Variants in ADGRA3 observed in about 807,000 individuals in gnomAD.
ADGRA3 encodes adhesion G protein-coupled receptor A3.
In ADGRA3, 56 loss-of-function variants were observed where a neutral mutation model predicts 119.8. The observed-to-expected ratio is 0.47, with a 90% CI of 0.38 to 0.58. ADGRA3 has a LOEUF of 0.58. Ranked by LOEUF, ADGRA3 falls within the 20% of genes least tolerant of loss-of-function variation. The probability of loss-of-function intolerance (pLI) is 0.00; values close to 1 mark genes in which losing one functional copy is unlikely to be tolerated. For synonymous variants in ADGRA3, 607 were observed against 623.8 expected (o/e 0.97, Z 0.40); for missense variants, 1,516 against 1,649.0 (o/e 0.92, Z 1.40).
intron 3 of ADGRA3, among the ~76,000 whole-genome samples, chr4:22,456,365 G>A (rs2126634): frequency 0.98 from 149,856 of 152,194 alleles, 73,829 homozygotes; most frequent in East Asian, 1. Context: ...CCTGCCCTCA[G>A]TATGGGTGGG....
intron 14 of ADGRA3, among the ~76,000 whole-genome samples, chr4:22,403,004 A>T (rs1339443879): frequency 2.0e-5 from 3 of 152,132 alleles, no homozygotes. Flanking sequence ...CTTACGGCAT[A>T]CCCTCATTTT....
intron 1 of ADGRA3, 123 bp downstream of exon 1, chr4:22,515,405 C>T: frequency 4.1e-6 from 5 of 1,224,532 alleles, no homozygotes; most frequent in Non-Finnish European, 5.4e-6. Flanking sequence ...TTCCTAGCAC[C>T]GCCCCCTGCC....
chr4:22,451,892 T>C (rs750944875), intron 4 of ADGRA3, among the ~76,000 whole-genome samples: 27 of 152,202 alleles, frequency 1.8e-4, no homozygotes, highest in Non-Finnish European at 3.2e-4. Flanking sequence ...TTCCTAATCA[T>C]ATTCTCTTTT....
At chr4:22,445,538 C>A (rs115675382) in intron 5 of ADGRA3, among the ~76,000 whole-genome samples, 18 of 152,342 alleles carry the variant, frequency 1.2e-4, no homozygotes, top group African/African-American at 4.3e-4. Flanking sequence ...TTTCCACCAT[C>A]ATTGCCACAT....
chr4:22,504,738 CCTT>C (rs924333209), intron 1 of ADGRA3, among the ~76,000 whole-genome samples: 3 of 151,886 alleles, frequency 2.0e-5, no homozygotes, highest in Admixed American at 6.6e-5. Context: ...CTTTCTTCTA[CCTT>C]CTTTTTTTGT....
intron 10 of ADGRA3, among the ~76,000 whole-genome samples, chr4:22,426,705 CCTATT>C (rs1715947840): frequency 6.6e-6 from 1 of 152,126 alleles, no homozygotes; most frequent in Admixed American, 6.5e-5. Context: ...ATCCAAACAC[CCTATT>C]TTAATGAACT....
intron 1 of ADGRA3, among the ~76,000 whole-genome samples, chr4:22,498,358 C>T (rs1305397842): frequency 1.3e-5 from 2 of 151,826 alleles, no homozygotes; most frequent in Non-Finnish European, 2.9e-5. Context: ...GTGGCTCACA[C>T]CTGTAATCCC....
intron 16 of ADGRA3, among the ~76,000 whole-genome samples, chr4:22,397,507 A>G (rs1714413479): frequency 6.6e-6 from 1 of 152,074 alleles, no homozygotes; most frequent in South Asian, 2.1e-4. Flanking sequence ...GAGTTCAGAG[A>G]TAGTTAAACA....
intron 1 of ADGRA3, among the ~76,000 whole-genome samples, chr4:22,497,364 A>T (rs1369868256): frequency 6.6e-6 from 1 of 152,184 alleles, no homozygotes; most frequent in East Asian, 1.9e-4. Context: ...TATAAAAAAA[A>T]AAAGTCTCTG....
At chr4:22,483,535 A>G (rs16872735) in intron 1 of ADGRA3, among the ~76,000 whole-genome samples, 4,802 of 152,254 alleles carry the variant, frequency 0.032, 86 homozygotes, top group Middle Eastern at 0.065. Flanking sequence ...TTCTCTTCAT[A>G]CTGCAATAAA....
intron 1 of ADGRA3, among the ~76,000 whole-genome samples, chr4:22,477,210 C>T (rs772180832): frequency 1.3e-5 from 2 of 152,030 alleles, no homozygotes; most frequent in Non-Finnish European, 2.9e-5. Context: ...TAGTGACTGA[C>T]GTTAGAAACT....
intron 1 of ADGRA3, among the ~76,000 whole-genome samples, chr4:22,490,021 C>G (rs956600988): frequency 2.0e-5 from 3 of 152,130 alleles, no homozygotes; most frequent in African/African-American, 7.2e-5. Context: ...ATTCAAGTTT[C>G]CAGGCATTCT....
Position 22,436,453 on chromosome 4 carries a change from T to C in ADGRA3, c.1274A>G (p.Tyr425Cys), listed in dbSNP as rs1371909802. 4 of 1,611,488 alleles carry C rather than the reference T, an allele frequency of 2.5e-6. No individual in the cohort carries two copies. The highest frequency in any genetic ancestry group is 2.2e-5 in the East Asian group (1 of 44,836). The change falls in exon 9 of 19, where the codon TAT becomes TGT. Residue 425 changes from tyrosine (Y) to cysteine (C), a missense_variant. Coordinates refer to ENST00000334304, the MANE Select transcript of ADGRA3 (RefSeq NM_145290.4). Reference sequence around the variant, plus strand: ...CTTTCTAGTTACCTGATTAAACATATAAAGAACTCTAGTGACATCATTTGC... The same window carrying C: ...CTTTCTAGTTACCTGATTAAACATACAAAGAACTCTAGTGACATCATTTGC... ...QYANDVTRVL[Y>C]MFNQMPLNLT...
rs116958049 is a variant in ADGRA3, at chr4:22,491,905, T to C, written c.258-18062A>G. 9.1e-3 allele frequency among the ~76,000 whole-genome samples: 1,388 copies of C among 152,328 alleles called. 38 individuals are homozygous for C. Among genetic ancestry groups the C allele is most frequent in the East Asian group, 0.049 (255 of 5,180 alleles). ...GTCAACTATGAGAAGAACGGATTTC[T>C]TTCTGTTGGGGGAATAACATTTGAC... On this transcript the variant is annotated intron_variant, in intron 1 of 18. Transcript: ENST00000334304.
chr4:22,455,785 C>T, intron 3 of ADGRA3: 1 of 1,282,264 alleles, frequency 7.8e-7, no homozygotes. Flanking sequence ...TGGGAGATAA[C>T]CACTGACAAT....
intron 16 of ADGRA3, among the ~76,000 whole-genome samples, chr4:22,395,614 C>A (rs1216414770): frequency 2.0e-5 from 3 of 152,158 alleles, no homozygotes; most frequent in East Asian, 1.9e-4. Context: ...AAAGCCCTTG[C>A]CCTTTCTTCT....
chr4:22,471,248 G>C (rs1717849833), intron 2 of ADGRA3, among the ~76,000 whole-genome samples: 1 of 151,994 alleles, frequency 6.6e-6, no homozygotes, highest in Admixed American at 6.6e-5. Flanking sequence ...ACTTATAAGG[G>C]GGAGCTAAAT....
rs370249356 is a variant in ADGRA3, at chr4:22,413,728, A to G, written c.1896T>C (p.Ser632=). The part of the protein sequence containing the change: ...QKRELRPTDD[S]LYKLQLIAFR... ...ATGCAATGAGTTGAAGCTTGTAAAG[A>G]GAGTCATCAGTTGGTCTGAGTTCTC... Residue 632 remains serine (S), a synonymous_variant, in exon 13 of 19, where the codon TCT becomes TCC. Transcript: ENST00000334304. The G allele has an allele frequency of 1.3e-5, 21 of 1,613,880 alleles. No individual in the cohort carries two copies. Among genetic ancestry groups the G allele is most frequent in the Non-Finnish European group, 1.6e-5 (19 of 1,179,908 alleles).
chr4:22,398,203 T>C (rs925416835), intron 16 of ADGRA3: 2 of 880,610 alleles, frequency 2.3e-6, no homozygotes, highest in African/African-American at 3.6e-5. Flanking sequence ...ATAATAGTGG[T>C]AACAGGTAAC....
Sources: gnomAD v4.1 joint callset for allele counts (sites outside exome capture counted in the v4.1 genomes callset) on GRCh38, gnomAD v4.1.1 for gene constraint, MANE v1.5 for transcripts, NCBI Gene and HGNC (gene_info 2026-07-23, HGNC 2026-07-21) for gene names.